Variants in BTD observed in about 807,000 individuals in gnomAD.
BTD encodes the protein biotinidase.
Under a neutral mutation model 17.7 loss-of-function variants are expected in BTD, and 13 were observed. The ratio of observed to expected loss-of-function variants is 0.74; its 90% CI spans 0.48 to 1.17. BTD has a LOEUF of 1.17. BTD is among the 50% of genes most tolerant of loss of function. The pLI is 0.00. For missense variants in BTD, 674 were observed against 650.4 expected (o/e 1.04, Z -0.39); for synonymous variants, 240 against 245.2 (o/e 0.98, Z 0.20).
At chr3:15,711,911 G>A (rs1396431649) in exon 4 of BTD, among the ~76,000 whole-genome samples, 1 of 151,676 alleles carries the variant, frequency 6.6e-6, no homozygotes, top group Admixed American at 6.6e-5. Context: ...GGCCATGCTG[G>A]TCTTGAACTC....
At chr3:15,623,733 A>ATTACC in intron 1 of BTD, among the ~76,000 whole-genome samples, 1 of 152,244 alleles carries the variant, frequency 6.6e-6, no homozygotes, top group African/African-American at 2.4e-5. Context: ...GTCATGATAG[A>ATTACC]GTTCTCATGA....
intron 1 of BTD, among the ~76,000 whole-genome samples, chr3:15,609,589 G>T (rs1398920324): frequency 6.6e-6 from 1 of 152,186 alleles, no homozygotes; most frequent in Non-Finnish European, 1.5e-5. Context: ...AGTCTCAACT[G>T]TGGAGCTTTA....
At chr3:15,686,480 A>C (rs2068143745) in intron 3 of BTD, 3 of 616,364 alleles carry the variant, frequency 4.9e-6, no homozygotes, top group Non-Finnish European at 8.5e-6. Context: ...TTGACTGTTA[A>C]AGCTGGAATA....
At chr3:15,642,435 T>A (rs1375928071) in intron 3 of BTD, among the ~76,000 whole-genome samples, 2 of 151,820 alleles carry the variant, frequency 1.3e-5, no homozygotes, top group Non-Finnish European at 2.9e-5. Flanking sequence ...TCTATGCATT[T>A]CATAGTTATT....
At chr3:15,678,888 T>TA (rs1376571866) in intron 3 of BTD, among the ~76,000 whole-genome samples, 2 of 152,226 alleles carry the variant, frequency 1.3e-5, no homozygotes, top group African/African-American at 4.8e-5. Context: ...CTCGCAAATA[T>TA]AAAAATCAAC....
chr3:15,710,874 T>C (rs1387595320), exon 4 of BTD, among the ~76,000 whole-genome samples: 1 of 152,208 alleles, frequency 6.6e-6, no homozygotes, highest in Non-Finnish European at 1.5e-5. Flanking sequence ...AGAGTACTTG[T>C]ATTATTCAGA....
intron 3 of BTD, among the ~76,000 whole-genome samples, chr3:15,694,214 G>GA (rs34118789): frequency 0.47 from 71,324 of 151,722 alleles, 19,681 homozygotes; most frequent in Middle Eastern, 0.6. Flanking sequence ...GATTGACACT[G>GA]AAAAAAAATT....
rs1160194786 is a variant in BTD, at chr3:15,652,592, T to C, written c.*7104T>C. On this transcript the variant is annotated 3_prime_UTR_variant, in exon 4 of 4. Transcript: ENST00000643237. ...CCGGAACCACCCCACAAAGTCACTC[T>C]TGATTTCCTAAGTCTCAGAAACTAT... Among the ~76,000 whole-genome samples the C allele has an allele frequency of 6.6e-5, 10 of 152,372 alleles. No individual in the cohort carries two copies. Among genetic ancestry groups the C allele is most frequent in the African/African-American group, 1.9e-4 (8 of 41,590 alleles).
At chr3:15,706,062 A>ATT (rs892382098) in intron 3 of BTD, among the ~76,000 whole-genome samples, 1 of 149,042 alleles carries the variant, frequency 6.7e-6, no homozygotes, top group Non-Finnish European at 1.5e-5. Context: ...AACCCCTAGA[A>ATT]TTTTTTTTTT....
At chr3:15,657,603 G>A (rs1395509023), downstream of BTD, among the ~76,000 whole-genome samples, 1 of 152,160 alleles carries the variant, frequency 6.6e-6, no homozygotes, top group African/African-American at 2.4e-5. Flanking sequence ...TACAGCAATG[G>A]TAAGGCACAT....
chr3:15,613,137 A>G lies in BTD; in HGVS notation c.-17+11243A>G, dbSNP rs190431917. On this transcript the variant is annotated intron_variant, in intron 1 of 3. Coordinates refer to ENST00000643237, the MANE Select transcript of BTD (RefSeq NM_001370658.1). ...TATGTGAAAGCCCTTCACCTTTGTCATATTCTATTGGCTAGTAACAGAGTA... is the reference window on the plus strand; with the variant it reads ...TATGTGAAAGCCCTTCACCTTTGTCGTATTCTATTGGCTAGTAACAGAGTA... Among the ~76,000 whole-genome samples, 45 of 152,322 alleles carry G rather than the reference A, an allele frequency of 3.0e-4. 1 individual carries two copies. The East Asian group carries it at 3.5e-3, about 12-fold the overall frequency.
chr3:15,603,161 A>G (rs2202319), intron 1 of BTD, among the ~76,000 whole-genome samples: 32,388 of 152,120 alleles, frequency 0.21, 3,584 homozygotes, highest in African/African-American at 0.25. Flanking sequence ...ATAATTCAAG[A>G]TGAGATTTGG....
chr3:15,700,725 G>T (rs2070453515), intron 3 of BTD, among the ~76,000 whole-genome samples: 1 of 152,130 alleles, frequency 6.6e-6, no homozygotes, highest in Admixed American at 6.5e-5. Context: ...AGTGAGCAGA[G>T]ATCGCGCCAC....
chr3:15,655,631 G>A (rs773870763), downstream of BTD, among the ~76,000 whole-genome samples: 2 of 152,190 alleles, frequency 1.3e-5, no homozygotes, highest in Non-Finnish European at 2.9e-5. Context: ...ATGTACCTGT[G>A]CCTCTCAAGG....
At chr3:15,710,230 T>C (rs2126050894) in exon 4 of BTD, among the ~76,000 whole-genome samples, 1 of 152,300 alleles carries the variant, frequency 6.6e-6, no homozygotes, top group African/African-American at 2.4e-5. Flanking sequence ...TCTCCTATAC[T>C]ATGACTGTTT....
rs751942573 is a variant in BTD at position 15,690,332 on chromosome 3, G to A, written c.400-19728G>A. The A allele has an allele frequency of 7.2e-4, 641 of 885,186 alleles. 1 individual carries two copies. The highest frequency in any genetic ancestry group is 5.1e-3 in the Middle Eastern group (17 of 3,314). The allele number at this position is 885,186 out of a possible 1,614,324, so 54.8% of individuals were successfully genotyped here. Reference sequence around the variant, plus strand: ...GTCTTCATATTATTATCCTACTTGAGATAATCCAAACTTCTACATCGAGAA... The same window carrying A: ...GTCTTCATATTATTATCCTACTTGAAATAATCCAAACTTCTACATCGAGAA... On this transcript the variant is annotated intron_variant, in intron 3 of 3. Transcript: ENST00000672141.
At chr3:15,670,539 C>A (rs1416197239) in intron 3 of BTD, 1 of 1,613,648 alleles carries the variant, frequency 6.2e-7, no homozygotes, top group South Asian at 1.1e-5. Flanking sequence ...GGAGCACAGG[C>A]CAAAGCTGGG....
intron 1 of BTD, among the ~76,000 whole-genome samples, chr3:15,602,677 A>G (rs1178028206): frequency 1.3e-5 from 2 of 152,134 alleles, no homozygotes; most frequent in African/African-American, 4.8e-5. Flanking sequence ...GGGTAGTGAA[A>G]TGAGTGAGAA....
chr3:15,662,323 T>C (rs1283408165), intron 3 of BTD, among the ~76,000 whole-genome samples: 1 of 152,248 alleles, frequency 6.6e-6, no homozygotes, highest in African/African-American at 2.4e-5. Flanking sequence ...ATAGATCTTA[T>C]ACATTTTTAC....
Sources: gnomAD v4.1 joint callset for allele counts (sites outside exome capture counted in the v4.1 genomes callset) on GRCh38, gnomAD v4.1.1 for gene constraint, MANE v1.5 for transcripts, NCBI Gene and HGNC (gene_info 2026-07-23, HGNC 2026-07-21) for gene names.